MCMDC2: variants seen among roughly 807,000 people sequenced by gnomAD.
MCMDC2 encodes minichromosome maintenance domain containing 2.
MCMDC2 carries 54 observed loss-of-function variants against 75.8 expected under a neutral mutation model. The ratio of observed to expected loss-of-function variants is 0.71; its 90% confidence interval spans 0.57 to 0.89. The LOEUF is 0.89. MCMDC2 is among the 40% of genes least tolerant of loss of function. The probability of loss-of-function intolerance (pLI) is 0.00; values close to 1 mark genes in which losing one functional copy is unlikely to be tolerated. For missense variants in MCMDC2, 656 were observed against 780.4 expected, an observed-to-expected ratio of 0.84 and a Z score of 1.90; for synonymous variants, 249 against 274.6, an observed-to-expected ratio of 0.91 and a Z score of 0.92.
At chr8:66,915,910 G>A (rs1221285684) in intron 14 of MCMDC2, among the ~76,000 whole-genome samples, 1 of 152,052 alleles carries the variant, frequency 6.6e-6, no homozygotes, top group Non-Finnish European at 1.5e-5. Context: ...TTCTTTCTAA[G>A]AATGAGAGTT....
In MCMDC2 at chr8:66,885,345, A is replaced by AG. The variant is rs567497984; in HGVS notation, c.1073+1351_1073+1352insG. ...GAGACTCTGTCTCAAAAAAAAAAAA[A>AG]AAATTGCAATCTGATAGGTGGAAAA... On this transcript the variant is annotated intron_variant, in intron 9 of 14. Coordinates refer to ENST00000422365, the MANE Select transcript of MCMDC2 (RefSeq NM_173518.5). Among the ~76,000 whole-genome samples the AG allele has an allele frequency of 2.0e-4, 31 of 152,190 alleles. No individual in the cohort carries two copies. In the East Asian group the frequency reaches 6.0e-3, roughly 29 times the overall value.
intron 3 of MCMDC2, 28 bp downstream of exon 3, chr8:66,874,484 G>A: frequency 6.2e-7 from 1 of 1,611,982 alleles, no homozygotes; most frequent in Non-Finnish European, 8.5e-7. Flanking sequence ...ATAATTTTAT[G>A]CCACATGGAA....
intron 1 of MCMDC2, 126 bp from the exon 2 acceptor site, chr8:66,873,927 T>G: frequency 2.5e-6 from 1 of 394,720 alleles, no homozygotes; most frequent in Non-Finnish European, 4.4e-6. Context: ...AAACAAAAGT[T>G]TTGTTTTCAT....
rs559751477 is a variant in MCMDC2, at chr8:66,914,557, C to T, written c.1880-4446C>T. ...AAAACATAGTAAGCCGAGTAAGCAT[C>T]GTAGTTGAGGTTAGAGAGGAAAGTA... On this transcript the variant is annotated intron_variant, in intron 14 of 14. Coordinates refer to ENST00000422365, the MANE Select transcript of MCMDC2 (RefSeq NM_173518.5). Among the ~76,000 whole-genome samples the T allele has an allele frequency of 2.6e-4, 40 of 152,220 alleles. No individual in the cohort carries two copies. In the South Asian group the frequency reaches 5.2e-3, roughly 20 times the overall value.
intron 10 of MCMDC2, among the ~76,000 whole-genome samples, chr8:66,895,809 G>C (rs117089237): frequency 9.6e-4 from 146 of 152,190 alleles, no homozygotes; most frequent in Non-Finnish European, 1.9e-3. Flanking sequence ...CCACATGGAT[G>C]GCCTGCTTTC....
At chr8:66,871,164 T>A (rs1810997610) in intron 1 of MCMDC2, among the ~76,000 whole-genome samples, 1 of 152,026 alleles carries the variant, frequency 6.6e-6, no homozygotes, top group Non-Finnish European at 1.5e-5. Context: ...ACGCGTCCAC[T>A]CCCCAGGGCC....
Position 66,896,341 on chromosome 8 carries a change from G to A in MCMDC2, c.1446+5G>A. On this transcript the variant is annotated splice_donor_5th_base_variant and intron_variant, in intron 11 of 14. Transcript: ENST00000422365. ...AACACTCTAATTGGTCAGATGGTAAGGTATATGTATATTTTATTGTTAGAA... is the reference window on the plus strand; with the variant it reads ...AACACTCTAATTGGTCAGATGGTAAAGTATATGTATATTTTATTGTTAGAA... 6.3e-7 allele frequency: 1 copy of A among 1,581,338 alleles called. No homozygotes were observed. The highest frequency in any genetic ancestry group is 1.2e-5 in the South Asian group (1 of 84,518).
At chr8:66,910,602 G>T (rs567617053) in intron 14 of MCMDC2, among the ~76,000 whole-genome samples, 1 of 152,308 alleles carries the variant, frequency 6.6e-6, no homozygotes, top group Admixed American at 6.5e-5. Context: ...CTGAGGTCAG[G>T]AGTTGGAGAC....
chr8:66,879,185 C>T (rs1262693137), intron 7 of MCMDC2, among the ~76,000 whole-genome samples: 1 of 152,182 alleles, frequency 6.6e-6, no homozygotes, highest in African/African-American at 2.4e-5. Context: ...GTGGGAGGAT[C>T]GCCTAAGCCC....
At chr8:66,903,670 C>A (rs1377358994) in intron 13 of MCMDC2, among the ~76,000 whole-genome samples, 1 of 152,132 alleles carries the variant, frequency 6.6e-6, no homozygotes, top group East Asian at 1.9e-4. Context: ...AAACCCCTAG[C>A]TAGAAGAGTC....
intron 12 of MCMDC2, among the ~76,000 whole-genome samples, chr8:66,899,859 C>T (rs951332386): frequency 2.0e-5 from 3 of 151,872 alleles, no homozygotes; most frequent in Admixed American, 1.3e-4. Flanking sequence ...TAGTGGCTCA[C>T]GCCTGTAATC....
At position 66,905,313 on chromosome 8, in the gene MCMDC2, A is replaced by G; in HGVS notation, c.1857A>G (p.Glu619=). Residue 619 remains glutamate, a synonymous_variant, in exon 14 of 15, where the codon GAA becomes GAG. Transcript: ENST00000422365. ...EDVLIAALLF[E]TSLTLKYGAT... ...TGCTGATTGCAGCCTTACTATTTGA[A>G]ACATCCCTCACATTGAAATATGGTA... 1 of 1,481,616 alleles carries G rather than the reference A, an allele frequency of 6.7e-7. No individual in the cohort carries two copies. Among genetic ancestry groups the G allele is most frequent in the Non-Finnish European group, 9.0e-7 (1 of 1,111,838 alleles). The allele number at this position is 1,481,616 out of a possible 1,614,324, so 91.8% of individuals were successfully genotyped here.
At chr8:66,901,500 C>A in intron 13 of MCMDC2, 152 bp downstream of exon 13, 1 of 1,361,670 alleles carries the variant, frequency 7.3e-7, no homozygotes, top group East Asian at 2.7e-5. Context: ...CTAAAGGCTT[C>A]ACAATTCCTT....
intron 10 of MCMDC2, among the ~76,000 whole-genome samples, chr8:66,895,027 T>C (rs1365630185): frequency 1.3e-5 from 2 of 152,218 alleles, no homozygotes; most frequent in Admixed American, 1.3e-4. Context: ...CAGGGGTTGG[T>C]TCCAGGGCCT....
chr8:66,888,593 T>C (rs538604340), intron 9 of MCMDC2, among the ~76,000 whole-genome samples: 1 of 152,350 alleles, frequency 6.6e-6, no homozygotes, highest in Non-Finnish European at 1.5e-5. Context: ...TTTTGTTAAA[T>C]TGGTTCTAAA....
downstream of MCMDC2, among the ~76,000 whole-genome samples, chr8:66,924,687 AGTTGCTGACCG>A: frequency 6.6e-6 from 1 of 151,622 alleles, no homozygotes; most frequent in South Asian, 2.1e-4. Context: ...CCAGCCTCCC[AGTTGCTGACCG>A]GTTTCTTCTG....
chr8:66,878,971 G>A (rs1811432431), intron 7 of MCMDC2, 52 bp downstream of exon 7: 1 of 1,133,320 alleles, frequency 8.8e-7, no homozygotes, highest in Admixed American at 1.9e-5. Context: ...TATGTAATTG[G>A]CTGGGCACAG....
intron 14 of MCMDC2, among the ~76,000 whole-genome samples, chr8:66,909,655 T>C (rs1439897600): frequency 6.6e-6 from 1 of 152,120 alleles, no homozygotes; most frequent in East Asian, 1.9e-4. Context: ...ACTTTGAACT[T>C]GAGAGACATA....
chr8:66,898,653 A>AGGAAC (rs1362190618), intron 12 of MCMDC2, among the ~76,000 whole-genome samples: 3 of 152,086 alleles, frequency 2.0e-5, no homozygotes, highest in African/African-American at 7.2e-5. Flanking sequence ...AGATACATAA[A>AGGAAC]ATAGTTAAGG....
Sources: allele counts gnomAD v4.1 joint callset (sites outside exome capture counted in the v4.1 genomes callset), GRCh38; gene constraint gnomAD v4.1.1; transcripts MANE v1.5; gene names NCBI Gene and HGNC (gene_info 2026-07-23, HGNC 2026-07-21).